Variants in AK5 observed in about 807,000 individuals in gnomAD.
AK5 encodes adenylate kinase isoenzyme 5.
A neutral mutation model predicts 69.5 loss-of-function variants in AK5; 27 were observed. That is an observed-to-expected ratio of 0.39 (90% confidence interval 0.29 to 0.54). The LOEUF (loss-of-function observed/expected upper bound fraction) is 0.54, where lower values mean the gene tolerates loss of function less well. Ranked by LOEUF, AK5 falls within the 20% of genes least tolerant of loss-of-function variation. AK5 has a pLI of 0.71. For missense variants in AK5, 531 were observed against 700.4 expected (o/e 0.76, Z 2.73); for synonymous variants, 260 against 244.4 (o/e 1.06, Z -0.60).
intron 12 of AK5, among the ~76,000 whole-genome samples, chr1:77,532,915 A>C (rs375435727): frequency 6.6e-5 from 10 of 152,236 alleles, no homozygotes; most frequent in African/African-American, 2.4e-4. Flanking sequence ...CGGTGAAAAC[A>C]AGAGCAGAGC....
chr1:77,477,829 A>G (rs1203022140), intron 8 of AK5, among the ~76,000 whole-genome samples: 3 of 152,182 alleles, frequency 2.0e-5, no homozygotes, highest in African/African-American at 4.8e-5. Context: ...ACATTTTGCT[A>G]CCATGAAACA....
At chr1:77,323,954 A>T (rs1014754457) in intron 5 of AK5, among the ~76,000 whole-genome samples, 8 of 152,376 alleles carry the variant, frequency 5.3e-5, no homozygotes, top group Admixed American at 1.3e-4. Context: ...TCCTGTGAGA[A>T]TGATTACATT....
At chr1:77,405,449 G>A (rs993300538) in intron 6 of AK5, among the ~76,000 whole-genome samples, 1 of 152,206 alleles carries the variant, frequency 6.6e-6, no homozygotes, top group Non-Finnish European at 1.5e-5. Flanking sequence ...TGCCCTGACT[G>A]TCACCGCATA....
At chr1:77,488,713 G>T (rs1271708217) in intron 10 of AK5, among the ~76,000 whole-genome samples, 2 of 152,068 alleles carry the variant, frequency 1.3e-5, no homozygotes, top group Non-Finnish European at 2.9e-5. Context: ...AGGCTGAGAG[G>T]GTAGGCCAGT....
chr1:77,513,435 C>G lies in AK5; in HGVS notation c.1148-5129C>G, dbSNP rs144141462. Among the ~76,000 whole-genome samples, 449 of 152,296 alleles carry G rather than the reference C, an allele frequency of 2.9e-3. 4 individuals are homozygous for G. Among genetic ancestry groups the G allele is most frequent in the African/African-American group, 9.8e-3 (406 of 41,548 alleles). ...ATTTCTAGTGCTTAGCAGTGTCAAA[C>G]CCATTCTAGCTGTCCAATAGATGTT... is the stretch of plus-strand genomic sequence containing the variant. On this transcript the variant is annotated intron_variant, in intron 10 of 13. Transcript: ENST00000354567.
In AK5 at chr1:77,355,904, C is replaced by CAT. The variant is rs1200942718; in HGVS notation, c.891+15346_891+15347dup. On this transcript the variant is annotated intron_variant, in intron 6 of 13. Transcript: ENST00000354567. Reference sequence around the variant, plus strand: ...ACACACACACACACACACACACACACATATATATATACACACACTTAATAT... The same window carrying CAT: ...ACACACACACACACACACACACACACATATATATATATACACACACTTAATAT... 5.1e-3 allele frequency among the ~76,000 whole-genome samples: 592 copies of CAT among 115,516 alleles called. 2 individuals are homozygous for CAT. Among genetic ancestry groups the CAT allele is most frequent in the South Asian group, 0.011 (40 of 3,508 alleles). The allele number at this position is 115,516 out of a possible 152,430, so 75.8% of individuals were successfully genotyped here.
At chr1:77,419,114 A>T (rs992390758) in intron 8 of AK5, among the ~76,000 whole-genome samples, 1 of 152,098 alleles carries the variant, frequency 6.6e-6, no homozygotes, top group African/African-American at 2.4e-5. Context: ...CACAATAAGG[A>T]TGTGAACTTA....
intron 6 of AK5, among the ~76,000 whole-genome samples, chr1:77,367,836 GTTATATATA>G (rs1445895717): frequency 4.4e-4 from 5 of 11,346 alleles, no homozygotes; most frequent in African/African-American, 1.6e-3. Flanking sequence ...TATAATATAT[GTTATATATA>G]TTATATATAA....
intron 1 of AK5, chr1:77,283,027 A>AC: frequency 1.0e-6 from 1 of 985,542 alleles, no homozygotes; most frequent in Middle Eastern, 5.2e-4. Context: ...GTGCTCGACA[A>AC]CCCACCTGGA....
intron 10 of AK5, among the ~76,000 whole-genome samples, chr1:77,489,380 A>T (rs971092425): frequency 1.3e-5 from 2 of 152,250 alleles, no homozygotes; most frequent in Non-Finnish European, 2.9e-5. Flanking sequence ...CCACTGTGAT[A>T]CAAGGGAAAA....
At chr1:77,432,800 A>G (rs1651725072) in intron 8 of AK5, among the ~76,000 whole-genome samples, 1 of 152,250 alleles carries the variant, frequency 6.6e-6, no homozygotes, top group Non-Finnish European at 1.5e-5. Context: ...CTTTTAAGTT[A>G]TGAGCAGAAG....
At chr1:77,541,590 C>T (rs1258145028) in intron 13 of AK5, among the ~76,000 whole-genome samples, 6 of 152,264 alleles carry the variant, frequency 3.9e-5, no homozygotes, top group South Asian at 2.1e-4. Flanking sequence ...TGCCAACTCC[C>T]GCTGGCCTAA....
intron 13 of AK5, among the ~76,000 whole-genome samples, chr1:77,558,064 TGTCC>T (rs1660213605): frequency 1.3e-5 from 2 of 152,330 alleles, no homozygotes; most frequent in East Asian, 1.9e-4. Context: ...AATATTCCCC[TGTCC>T]ATCTGGATAT....
chr1:77,513,996 T>C (rs1265277515), intron 10 of AK5, among the ~76,000 whole-genome samples: 1 of 152,126 alleles, frequency 6.6e-6, no homozygotes, highest in Non-Finnish European at 1.5e-5. Context: ...ATACAGTCTC[T>C]CCCCTCCCTT....
At chr1:77,396,651 GAAGGA>G (rs1050931220) in intron 6 of AK5, among the ~76,000 whole-genome samples, 2 of 152,146 alleles carry the variant, frequency 1.3e-5, no homozygotes, top group African/African-American at 4.8e-5. Context: ...CTAAAAATAG[GAAGGA>G]AAAACAAATG....
intron 6 of AK5, among the ~76,000 whole-genome samples, chr1:77,348,757 C>A (rs935841176): frequency 5.3e-4 from 80 of 151,050 alleles, no homozygotes; most frequent in African/African-American, 1.8e-3. Flanking sequence ...ACCCACACAC[C>A]CACACACACA....
chr1:77,282,757 G>A (rs1658134003), intron 1 of AK5: 2 of 1,015,518 alleles, frequency 2.0e-6, no homozygotes. Flanking sequence ...GTAAAGACTC[G>A]AAACTGAGGG....
chr1:77,547,300 A>G (rs1176167508), intron 13 of AK5, among the ~76,000 whole-genome samples: 1 of 138,038 alleles, frequency 7.2e-6, no homozygotes, highest in Non-Finnish European at 1.5e-5. Flanking sequence ...TTTGAGACAG[A>G]GTCTCACTCT....
chr1:77,381,366 C>T (rs1490850662), intron 6 of AK5, among the ~76,000 whole-genome samples: 3 of 152,176 alleles, frequency 2.0e-5, no homozygotes, highest in South Asian at 2.1e-4. Context: ...TTGTTTGTAA[C>T]GGACCTAATC....
Sources: allele counts gnomAD v4.1 joint callset (sites outside exome capture counted in the v4.1 genomes callset), GRCh38; gene constraint gnomAD v4.1.1; transcripts MANE v1.5; gene names NCBI Gene and HGNC (gene_info 2026-07-23, HGNC 2026-07-21).